Variants in SMOC2 observed in about 807,000 individuals in gnomAD.
SMOC2 encodes SPARC-related modular calcium-binding protein 2.
A neutral mutation model predicts 61.4 loss-of-function variants in SMOC2; 39 were observed. That is an observed-to-expected ratio of 0.64 (90% CI 0.49 to 0.83). The LOEUF is 0.83. SMOC2 is among the 40% of genes least tolerant of loss of function. The pLI, the probability that SMOC2 is intolerant of heterozygous loss-of-function variation, is 0.00. For synonymous variants in SMOC2, 247 were observed against 239.9 expected (o/e 1.03, Z -0.27); for missense variants, 556 against 592.9 (o/e 0.94, Z 0.65).
chr6:168,595,429 A>G lies in SMOC2; in HGVS notation c.638-3389A>G, dbSNP rs150541905. 2.3e-3 allele frequency among the ~76,000 whole-genome samples: 347 copies of G among 152,222 alleles called. 3 individuals are homozygous for G. Among genetic ancestry groups the G allele is most frequent in the African/African-American group, 7.9e-3 (326 of 41,522 alleles). Reference sequence around the variant, plus strand: ...TGATTAAGTCCTTTATAGAATAAGGACTTGTCTCCTGCCAGAGAGAACCAC... The same window carrying G: ...TGATTAAGTCCTTTATAGAATAAGGGCTTGTCTCCTGCCAGAGAGAACCAC... On this transcript the variant is annotated intron_variant, in intron 7 of 12. Coordinates refer to ENST00000356284, the MANE Select transcript of SMOC2 (RefSeq NM_001166412.2).
At chr6:168,644,240 G>A (rs1005677186) in intron 9 of SMOC2, among the ~76,000 whole-genome samples, 5 of 152,104 alleles carry the variant, frequency 3.3e-5, no homozygotes, top group Admixed American at 6.5e-5. Context: ...GGACCCCTCC[G>A]CCCTGGGAAT....
chr6:168,520,710 C>A (rs564192452), intron 2 of SMOC2, among the ~76,000 whole-genome samples: 1 of 152,236 alleles, frequency 6.6e-6, no homozygotes, highest in African/African-American at 2.4e-5. Flanking sequence ...TCTTGAGACA[C>A]CATCTCTGGT....
At chr6:168,455,581 C>T (rs1227711203) in intron 1 of SMOC2, among the ~76,000 whole-genome samples, 1 of 152,130 alleles carries the variant, frequency 6.6e-6, no homozygotes, top group Non-Finnish European at 1.5e-5. Flanking sequence ...TTCTGAAGAA[C>T]ATTTGATACT....
intron 5 of SMOC2, among the ~76,000 whole-genome samples, chr6:168,545,101 T>C (rs1296555833): frequency 6.6e-6 from 1 of 151,996 alleles, no homozygotes; most frequent in Non-Finnish European, 1.5e-5. Flanking sequence ...GAGAAGATAA[T>C]GGTGTGGGTA....
At chr6:168,604,864 G>C (rs1366949628) in intron 8 of SMOC2, among the ~76,000 whole-genome samples, 1 of 152,154 alleles carries the variant, frequency 6.6e-6, no homozygotes, top group African/African-American at 2.4e-5. Context: ...GTTTCTAGTT[G>C]GACCCATCAC....
At chr6:168,626,286 T>C (rs755766741) in intron 9 of SMOC2, among the ~76,000 whole-genome samples, 18 of 152,188 alleles carry the variant, frequency 1.2e-4, no homozygotes, top group Non-Finnish European at 2.5e-4. Context: ...TCTTCACCAC[T>C]GTGGCTTGGG....
intron 1 of SMOC2, among the ~76,000 whole-genome samples, chr6:168,458,087 G>C (rs1781629605): frequency 6.6e-6 from 1 of 152,182 alleles, no homozygotes; most frequent in South Asian, 2.1e-4. Flanking sequence ...AAGGCTGGGG[G>C]GATGTCATGA....
intron 7 of SMOC2, among the ~76,000 whole-genome samples, chr6:168,552,126 T>C (rs959902970): frequency 3.3e-5 from 5 of 152,244 alleles, no homozygotes; most frequent in African/African-American, 1.2e-4. Context: ...TCTAGCTACA[T>C]GTTCTTTCTG....
At chr6:168,589,076 C>CA (rs35958554) in intron 7 of SMOC2, among the ~76,000 whole-genome samples, 2,656 of 89,750 alleles carry the variant, frequency 0.03, 111 homozygotes, top group Admixed American at 0.082. Context: ...GAATTCGTCT[C>CA]AAAAAAAAAA....
At chr6:168,508,113 G>A (rs1183379496) in intron 1 of SMOC2, among the ~76,000 whole-genome samples, 2 of 152,212 alleles carry the variant, frequency 1.3e-5, no homozygotes, top group Non-Finnish European at 2.9e-5. Flanking sequence ...GGCCCCTACA[G>A]CATCTTGTGT....
At chr6:168,577,367 C>G (rs902139480) in intron 7 of SMOC2, among the ~76,000 whole-genome samples, 2 of 152,156 alleles carry the variant, frequency 1.3e-5, no homozygotes, top group African/African-American at 4.8e-5. Context: ...AACAAGTGCT[C>G]TCTCTCTTTT....
At chr6:168,528,864 A>G (rs1315744147) in intron 4 of SMOC2, among the ~76,000 whole-genome samples, 1 of 152,256 alleles carries the variant, frequency 6.6e-6, no homozygotes, top group African/African-American at 2.4e-5. Context: ...TGAAACAGAA[A>G]AACATCACCA....
intron 2 of SMOC2, among the ~76,000 whole-genome samples, chr6:168,523,457 A>C (rs1198314769): frequency 6.7e-6 from 1 of 149,310 alleles, no homozygotes; most frequent in Admixed American, 6.7e-5. Flanking sequence ...GTGCGATCTC[A>C]GCTCACTGCA....
chr6:168,548,339 T>A (rs1160563214), intron 6 of SMOC2, among the ~76,000 whole-genome samples: 1 of 147,708 alleles, frequency 6.8e-6, no homozygotes, highest in Non-Finnish European at 1.5e-5. Context: ...AACGGTGACC[T>A]GCACTACATT....
chr6:168,478,981 T>A (rs1782148755), intron 1 of SMOC2, among the ~76,000 whole-genome samples: 1 of 151,972 alleles, frequency 6.6e-6, no homozygotes, highest in Non-Finnish European at 1.5e-5. Context: ...TGGTATCTGG[T>A]CTAGAACAGC....
intron 9 of SMOC2, among the ~76,000 whole-genome samples, chr6:168,622,458 T>C (rs9283862): frequency 0.9 from 136,644 of 151,650 alleles, 61,643 homozygotes; most frequent in Middle Eastern, 0.99. Flanking sequence ...TCCTGGTGCC[T>C]GGCAAGTCTC....
chr6:168,575,130 G>C (rs1784768180), intron 7 of SMOC2, among the ~76,000 whole-genome samples: 1 of 152,176 alleles, frequency 6.6e-6, no homozygotes, highest in African/African-American at 2.4e-5. Flanking sequence ...GGGCGGGCGT[G>C]GACTGGGCCT....
intron 1 of SMOC2, among the ~76,000 whole-genome samples, chr6:168,493,938 A>G (rs1782528052): frequency 6.6e-6 from 1 of 152,200 alleles, no homozygotes; most frequent in Non-Finnish European, 1.5e-5. Context: ...TCTTCAAAAA[A>G]CAAAATTAGA....
chr6:168,450,103 G>A, intron 1 of SMOC2, among the ~76,000 whole-genome samples: 1 of 152,198 alleles, frequency 6.6e-6, no homozygotes, highest in East Asian at 1.9e-4. Context: ...AGAGAGAAAA[G>A]ATGAAGGTAG....
Sources: allele counts gnomAD v4.1 joint callset (sites outside exome capture counted in the v4.1 genomes callset), GRCh38; gene constraint gnomAD v4.1.1; transcripts MANE v1.5; gene names NCBI Gene and HGNC (gene_info 2026-07-23, HGNC 2026-07-21).